Variants in CEP350 observed in about 807,000 individuals in gnomAD.
CEP350 encodes centrosome-associated protein 350.
A neutral mutation model predicts 331.8 loss-of-function variants in CEP350; 126 were observed. The ratio of observed to expected loss-of-function variants is 0.38; its 90% CI spans 0.33 to 0.44. The LOEUF (loss-of-function observed/expected upper bound fraction) is 0.44. Ranked by LOEUF, CEP350 falls within the 20% of genes least tolerant of loss-of-function variation. The pLI is 1.00. For synonymous variants in CEP350, 1,200 were observed against 1,259.5 expected (o/e 0.95, Z 1.00); for missense variants, 3,406 against 3,634.6 (o/e 0.94, Z 1.62).
At chr1:180,008,325 G>T (rs1043273852) in intron 8 of CEP350, among the ~76,000 whole-genome samples, 1 of 152,034 alleles carries the variant, frequency 6.6e-6, no homozygotes, top group African/African-American at 2.4e-5. Context: ...AGTGTGCCTT[G>T]GTTTTCTCAT....
At chr1:179,965,492 A>G (rs1293634019) in intron 1 of CEP350, among the ~76,000 whole-genome samples, 1 of 152,110 alleles carries the variant, frequency 6.6e-6, no homozygotes, top group African/African-American at 2.4e-5. Context: ...AGGCACATAC[A>G]TTTACAAATG....
chr1:180,111,502 A>C lies in CEP350; in HGVS notation c.*341A>C, dbSNP rs1572018382. 5.1e-6 allele frequency: 1 copy of C among 196,830 alleles called. No homozygotes were observed. The highest frequency in any genetic ancestry group is 1.3e-4 in the East Asian group (1 of 7,906). The allele number at this position is 196,830 out of a possible 1,614,324, so 12.2% of individuals were successfully genotyped here. A position where few individuals can be genotyped will look rare whatever the true frequency, so the allele number is the denominator to read the frequency against. ...GTATCACTTCTTTGAGTCTGAAGTCAAGTGAGAGAGGTATAGATAAATGCA... is the reference window on the plus strand; with the variant it reads ...GTATCACTTCTTTGAGTCTGAAGTCCAGTGAGAGAGGTATAGATAAATGCA... On this transcript the variant is annotated 3_prime_UTR_variant, in exon 38 of 38. Coordinates refer to ENST00000367607, the MANE Select transcript of CEP350 (RefSeq NM_014810.5).
chr1:180,087,968 T>C (rs953836112), intron 32 of CEP350, among the ~76,000 whole-genome samples: 2 of 152,152 alleles, frequency 1.3e-5, no homozygotes, highest in Non-Finnish European at 2.9e-5. Context: ...TTTCCAACAT[T>C]GCTAGTAGTA....
At chr1:180,003,078 T>C (rs1653970980) in intron 6 of CEP350, 96 bp from the exon 7 acceptor site, 2 of 740,072 alleles carry the variant, frequency 2.7e-6, no homozygotes, top group Non-Finnish European at 4.4e-6. Flanking sequence ...GAGTGAATTT[T>C]ATGTATGTCG....
intron 5 of CEP350, among the ~76,000 whole-genome samples, chr1:179,993,312 C>A (rs951749288): frequency 1.3e-5 from 2 of 152,058 alleles, no homozygotes; most frequent in Non-Finnish European, 2.9e-5. Context: ...TATTAAGCAG[C>A]TTGCCTAGAG....
At chr1:180,056,470 C>CT (rs917609990) in intron 25 of CEP350, among the ~76,000 whole-genome samples, 2 of 108,136 alleles carry the variant, frequency 1.8e-5, no homozygotes, top group Admixed American at 1.0e-4. Context: ...GCCCCTCCCC[C>CT]CCCCCCTTTT....
chr1:180,022,741 T>C lies in CEP350; in HGVS notation c.3279T>C (p.Pro1093=). 2 of 1,612,090 alleles carry C rather than the reference T, an allele frequency of 1.2e-6. No homozygotes were observed. The highest frequency in any genetic ancestry group is 1.7e-6 in the Non-Finnish European group (2 of 1,178,968). The stretch of plus-strand genomic sequence containing the variant: ...ACAGAGGAACATCAACATCACGGCC[T>C]TTGAATGCCACCGCAACTCCTCTAA... ...KLDRGTSTSR[P]LNATATPLSG... Residue 1093 remains proline (P), a synonymous_variant, in exon 13 of 38, where the codon CCT becomes CCC. Coordinates refer to ENST00000367607, the MANE Select transcript of CEP350 (RefSeq NM_014810.5).
intron 37 of CEP350, among the ~76,000 whole-genome samples, chr1:180,101,607 A>T (rs956058021): frequency 6.6e-6 from 1 of 152,012 alleles, no homozygotes; most frequent in African/African-American, 2.4e-5. Context: ...ATCAGTTCTG[A>T]TACTCCCTAC....
chr1:180,014,369 C>G lies in CEP350; in HGVS notation c.1916C>G (p.Ala639Gly), dbSNP rs1654838378. ...LQELYRKQKE[A>G]FTKVKNVPPS... ...GAGCTCTACCGGAAGCAGAAGGAAG[C>G]CTTTACTAAAGTAAAAAATGTCCCT... Residue 639 changes from alanine to glycine, a missense_variant, in exon 10 of 38, where the codon GCC (alanine) becomes GGC (glycine). By Grantham distance (60) the Ala-to-Gly change is moderately conservative. Coordinates refer to ENST00000367607, the MANE Select transcript of CEP350 (RefSeq NM_014810.5). The G allele has an allele frequency of 6.3e-7, 1 of 1,594,164 alleles. No individual in the cohort carries two copies. The highest frequency in any genetic ancestry group is 1.3e-5 in the African/African-American group (1 of 74,566).
chr1:180,085,171 G>A (rs1200187322), intron 31 of CEP350, among the ~76,000 whole-genome samples: 1 of 146,820 alleles, frequency 6.8e-6, no homozygotes, highest in Non-Finnish European at 1.5e-5. Context: ...GGTGTTTCAT[G>A]CCACACAACC....
chr1:180,014,152 A>T lies in CEP350; in HGVS notation c.1699A>T (p.Ser567Cys), dbSNP rs745916613. The T allele has an allele frequency of 3.7e-6, 6 of 1,608,808 alleles. No homozygotes were observed. The Admixed American group carries it at 1.0e-4, about 27-fold the overall frequency. ...SAPVHAPRSHSPVKRKPDKIT... is the reference protein window; with the variant it reads ...SAPVHAPRSHCPVKRKPDKIT... ...ACCAGTACATGCTCCTAGGAGTCAC[A>T]GCCCAGTAAAAAGAAAACCTGACAA... The change falls in exon 10 of 38, where the codon AGC (serine) becomes TGC (cysteine). Residue 567 changes from serine to cysteine, a missense_variant. By Grantham distance (112) the Ser-to-Cys change is moderately radical. Around this residue, in one of 5 missense-constraint regions of CEP350, gnomAD observed 1,857 missense variants for 1,909.2 expected, o/e 0.97. Coordinates refer to ENST00000367607, the MANE Select transcript of CEP350 (RefSeq NM_014810.5).
At chr1:180,071,848 T>C (rs1658916748) in intron 27 of CEP350, among the ~76,000 whole-genome samples, 1 of 152,180 alleles carries the variant, frequency 6.6e-6, no homozygotes, top group Admixed American at 6.5e-5. Context: ...AACATAATGA[T>C]TTCCATACTA....
chr1:180,010,845 A>G (rs1171690942), intron 8 of CEP350, among the ~76,000 whole-genome samples: 1 of 152,078 alleles, frequency 6.6e-6, no homozygotes, highest in African/African-American at 2.4e-5. Flanking sequence ...CCTGACCCCA[A>G]GCATTCCTCC....
chr1:180,005,969 TA>T (rs950053230), intron 7 of CEP350, among the ~76,000 whole-genome samples: 3 of 152,342 alleles, frequency 2.0e-5, no homozygotes, highest in African/African-American at 7.2e-5. Flanking sequence ...GTTGGATTTT[TA>T]AAAAATTAGT....
At chr1:180,006,192 AG>A (rs1007153695) in intron 7 of CEP350, among the ~76,000 whole-genome samples, 10 of 152,292 alleles carry the variant, frequency 6.6e-5, no homozygotes, top group African/African-American at 1.9e-4. Flanking sequence ...AAACTTCTCA[AG>A]AGTTTCTTAG....
chr1:179,967,498 G>A (rs752073229), intron 1 of CEP350, among the ~76,000 whole-genome samples: 1 of 152,138 alleles, frequency 6.6e-6, no homozygotes, highest in Middle Eastern at 3.4e-3. Context: ...TGCAACCTCC[G>A]CCTTCCGGGT....
At chr1:180,044,255 A>G in intron 21 of CEP350, 82 bp downstream of exon 21, 1 of 1,331,746 alleles carries the variant, frequency 7.5e-7, no homozygotes, top group South Asian at 1.7e-5. Flanking sequence ...TTGATTTCTT[A>G]ATCTTGTTTA....
intron 37 of CEP350, among the ~76,000 whole-genome samples, chr1:180,104,626 G>A (rs78842587): frequency 6.8e-4 from 103 of 152,266 alleles, no homozygotes; most frequent in Non-Finnish European, 1.2e-3. Context: ...GATTTTGGGT[G>A]AGTTCTCTCA....
intron 6 of CEP350, among the ~76,000 whole-genome samples, chr1:180,002,216 G>A (rs1318407207): frequency 6.6e-6 from 1 of 152,224 alleles, no homozygotes; most frequent in Non-Finnish European, 1.5e-5. Context: ...GCTCATGCCT[G>A]TAATCCCAGC....
Sources: gnomAD v4.1 joint callset for allele counts (sites outside exome capture counted in the v4.1 genomes callset) on GRCh38, gnomAD v4.1.1 for gene constraint, gnomAD v4.1.1 regional missense constraint, MANE v1.5 for transcripts, NCBI Gene and HGNC (gene_info 2026-07-23, HGNC 2026-07-21) for gene names.